The following SPRED2 variants were observed in gnomAD, a reference collection of about 807,000 sequenced individuals.
SPRED2 encodes the protein sprouty-related, EVH1 domain-containing protein 2.
In SPRED2, 47 loss-of-function variants were observed where a neutral mutation model predicts 43.0. The ratio of observed to expected loss-of-function variants is 1.09; its 90% CI spans 0.87 to 1.40. The LOEUF is 1.40. Ranked by LOEUF, SPRED2 falls within the 40% of genes most tolerant of loss-of-function variation. SPRED2 has a pLI of 0.00. For synonymous variants in SPRED2, 225 were observed against 225.7 expected (o/e 1.00, Z 0.03); for missense variants, 561 against 586.4 (o/e 0.96, Z 0.45).
chr2:65,394,375 G>A (rs1049241863), intron 1 of SPRED2, among the ~76,000 whole-genome samples: 1 of 152,190 alleles, frequency 6.6e-6, no homozygotes. Flanking sequence ...GCCCTGCACA[G>A]ACCACTCGGA....
downstream of SPRED2, among the ~76,000 whole-genome samples, chr2:65,309,296 G>A (rs1480297548): frequency 6.6e-6 from 1 of 151,796 alleles, no homozygotes; most frequent in Non-Finnish European, 1.5e-5. Flanking sequence ...GAGCCCAGGA[G>A]GTCAGGACCA....
chr2:65,332,085 C>T lies in SPRED2; in HGVS notation c.374-34G>A, dbSNP rs7580693. The T allele has an allele frequency of 2.0e-3, 2,861 of 1,428,672 alleles. 61 individuals carry two copies. In the African/African-American group the frequency reaches 0.037, roughly 19 times the overall value. The allele number at this position is 1,428,672 out of a possible 1,614,324, so 88.5% of individuals were successfully genotyped here. A position where few individuals can be genotyped will look rare whatever the true frequency, so the allele number is the denominator to read the frequency against. On this transcript the variant is annotated intron_variant, in intron 3 of 5. Transcript: ENST00000356388. ...ACAAAAATGTAATAAAAAGTGTTTC[C>T]CAAGAGGATACATCAAATCCAACCG...
rs1177075491 is a variant in SPRED2, at chr2:65,344,798, CCGA to C, written c.122_124del (p.Val41del). The C allele has an allele frequency of 1.2e-6, 2 of 1,614,156 alleles. No homozygotes were observed. Among genetic ancestry groups the C allele is most frequent in the Non-Finnish European group, 1.7e-6 (2 of 1,180,028 alleles). ...TTCGGGGTGCATGACCTTACAGACC[CCGA>C]CGCGACTGATCCCGCCTCCTTCCTG... On this transcript the variant is annotated inframe_deletion, in exon 2 of 6. Transcript: ENST00000356388.
chr2:65,349,750 A>G (rs1674455710), intron 1 of SPRED2, among the ~76,000 whole-genome samples: 1 of 152,238 alleles, frequency 6.6e-6, no homozygotes, highest in South Asian at 2.1e-4. Context: ...CCAGACTACA[A>G]GGCTGTTAAC....
Position 65,313,390 on chromosome 2 carries a change from G to C in SPRED2, c.*111C>G. 1.3e-6 allele frequency: 2 copies of C among 1,500,230 alleles called. No individual in the cohort carries two copies. Among genetic ancestry groups the C allele is most frequent in the African/African-American group, 2.8e-5 (2 of 71,636 alleles). The allele number at this position is 1,500,230 out of a possible 1,614,324, so 92.9% of individuals were successfully genotyped here. A position where few individuals can be genotyped will look rare whatever the true frequency, so the allele number is the denominator to read the frequency against. ...CGAGGTACCAGGGAGCTGGGAGGCC[G>C]CTTGCCCTCCTCGCTCCTTGGAGTG... On this transcript the variant is annotated 3_prime_UTR_variant, in exon 6 of 6. Coordinates refer to ENST00000356388, the MANE Select transcript of SPRED2 (RefSeq NM_181784.3).
At chr2:65,409,901 G>A (rs372546822) in intron 1 of SPRED2, among the ~76,000 whole-genome samples, 11 of 151,696 alleles carry the variant, frequency 7.3e-5, no homozygotes, top group South Asian at 4.2e-4. Flanking sequence ...GTGGTGGCGC[G>A]TGCCTGTAGT....
At chr2:65,401,631 TAA>T (rs1015518905) in intron 1 of SPRED2, among the ~76,000 whole-genome samples, 24 of 150,880 alleles carry the variant, frequency 1.6e-4, no homozygotes, top group South Asian at 2.1e-4. Flanking sequence ...CCGTCTCTAC[TAA>T]AAAAATACAA....
Position 65,412,890 on chromosome 2 carries a change from T to C in SPRED2, c.26+19072A>G, listed in dbSNP as rs531648144. 5.9e-4 allele frequency among the ~76,000 whole-genome samples: 90 copies of C among 152,356 alleles called. 1 individual carries two copies. Among genetic ancestry groups the C allele is most frequent in the Non-Finnish European group, 9.6e-4 (65 of 68,034 alleles). On this transcript the variant is annotated intron_variant, in intron 1 of 5. Transcript: ENST00000356388. ...GCAGTCCTACAGTTAAACTTTTCTCTGCTGCAACCCTGTGTCTCATTGCAT... is the reference window on the plus strand; with the variant it reads ...GCAGTCCTACAGTTAAACTTTTCTCCGCTGCAACCCTGTGTCTCATTGCAT...
chr2:65,322,229 C>CCT (rs71905140), intron 4 of SPRED2, among the ~76,000 whole-genome samples: 821 of 61,262 alleles, frequency 0.013, 4 homozygotes, highest in Middle Eastern at 0.04. Flanking sequence ...GGTCTCCTTT[C>CCT]CTCTCTCTCT....
At chr2:65,397,609 CT>C (rs34229550) in intron 1 of SPRED2, among the ~76,000 whole-genome samples, 57,754 of 131,102 alleles carry the variant, frequency 0.44, 9,921 homozygotes, top group Middle Eastern at 0.5. Flanking sequence ...TCTAGCATCA[CT>C]TTTTTTTTTT....
At chr2:65,410,085 T>G (rs1293857804) in intron 1 of SPRED2, among the ~76,000 whole-genome samples, 1 of 151,522 alleles carries the variant, frequency 6.6e-6, no homozygotes, top group Non-Finnish European at 1.5e-5. Context: ...TAACATCTTG[T>G]GCAAGGCCAG....
intron 1 of SPRED2, among the ~76,000 whole-genome samples, chr2:65,349,496 A>G (rs1371632514): frequency 6.6e-6 from 1 of 152,186 alleles, no homozygotes; most frequent in Non-Finnish European, 1.5e-5. Context: ...CAAATCTTCT[A>G]TAAGTATACT....
intron 1 of SPRED2, among the ~76,000 whole-genome samples, chr2:65,427,966 G>T (rs1375722124): frequency 6.6e-6 from 1 of 152,134 alleles, no homozygotes; most frequent in Non-Finnish European, 1.5e-5. Context: ...TTATAATAGG[G>T]ATAATAATAC....
chr2:65,390,022 C>T (rs960942925), intron 1 of SPRED2, among the ~76,000 whole-genome samples: 1 of 152,050 alleles, frequency 6.6e-6, no homozygotes, highest in African/African-American at 2.4e-5. Flanking sequence ...GGATGGACAC[C>T]CTGATACACA....
chr2:65,431,010 C>A (rs12993075), intron 1 of SPRED2, among the ~76,000 whole-genome samples: 9 of 151,842 alleles, frequency 5.9e-5, no homozygotes, highest in Admixed American at 3.3e-4. Flanking sequence ...ACTGAAAACG[C>A]CTCAGACCAG....
At chr2:65,414,986 C>G (rs1676240827) in intron 1 of SPRED2, among the ~76,000 whole-genome samples, 1 of 152,112 alleles carries the variant, frequency 6.6e-6, no homozygotes, top group Non-Finnish European at 1.5e-5. Context: ...TTGGTAGACA[C>G]AGAGTCTTGC....
At chr2:65,413,052 G>A (rs996190462) in intron 1 of SPRED2, among the ~76,000 whole-genome samples, 2 of 152,180 alleles carry the variant, frequency 1.3e-5, no homozygotes, top group African/African-American at 4.8e-5. Flanking sequence ...TAAGTGGGCT[G>A]ATCCTTGGAA....
chr2:65,335,692 C>T (rs1180168878), intron 2 of SPRED2, among the ~76,000 whole-genome samples: 1 of 151,468 alleles, frequency 6.6e-6, no homozygotes, highest in Non-Finnish European at 1.5e-5. Context: ...GTCTTGTTCC[C>T]CTAACTAGAC....
intron 1 of SPRED2, among the ~76,000 whole-genome samples, chr2:65,374,278 G>A (rs1317549886): frequency 6.6e-6 from 1 of 152,162 alleles, no homozygotes; most frequent in African/African-American, 2.4e-5. Context: ...GAGCTGCCTG[G>A]AATTCTAAAC....
Sources: allele counts gnomAD v4.1 joint callset (sites outside exome capture counted in the v4.1 genomes callset), GRCh38; gene constraint gnomAD v4.1.1; transcripts MANE v1.5; gene names NCBI Gene and HGNC (gene_info 2026-07-23, HGNC 2026-07-21).